The following CADM2 variants were observed in gnomAD, a reference collection of about 807,000 sequenced individuals.
The protein encoded by CADM2 is cell adhesion molecule 2, also known as immunoglobulin superfamily member 4D.
A neutral mutation model predicts 49.8 loss-of-function variants in CADM2; 12 were observed. The ratio of observed to expected loss-of-function variants is 0.24; its 90% confidence interval spans 0.15 to 0.39. CADM2 has a LOEUF of 0.39. Ranked by LOEUF, CADM2 falls within the 10% of genes least tolerant of loss-of-function variation. The probability of loss-of-function intolerance (pLI) is 1.00; values close to 1 mark genes in which losing one functional copy is unlikely to be tolerated. For synonymous variants in CADM2, 214 were observed against 175.4 expected, an observed-to-expected ratio of 1.22 and a Z score of -1.74; for missense variants, 378 against 492.3, an observed-to-expected ratio of 0.77 and a Z score of 2.20.
At chr3:85,355,448 C>A (rs1277034421) in intron 1 of CADM2, among the ~76,000 whole-genome samples, 1 of 151,974 alleles carries the variant, frequency 6.6e-6, no homozygotes, top group African/African-American at 2.4e-5. Context: ...TTTCTCACTT[C>A]GTATGTAGAT....
At chr3:85,586,016 T>C (rs1462897559) in intron 1 of CADM2, among the ~76,000 whole-genome samples, 1 of 152,088 alleles carries the variant, frequency 6.6e-6, no homozygotes, top group Non-Finnish European at 1.5e-5. Flanking sequence ...ATCTCAGCTG[T>C]ACTTCTAGGG....
intron 1 of CADM2, among the ~76,000 whole-genome samples, chr3:85,034,723 G>A (rs2035134130): frequency 6.7e-6 from 1 of 149,214 alleles, no homozygotes; most frequent in African/African-American, 2.5e-5. Context: ...AGTATACAAG[G>A]ATTTCCCTTT....
chr3:85,786,421 A>G (rs925212292), intron 2 of CADM2, among the ~76,000 whole-genome samples: 1 of 152,074 alleles, frequency 6.6e-6, no homozygotes, highest in Non-Finnish European at 1.5e-5. Context: ...ATGTTCCCCT[A>G]GATCTAATGT....
At chr3:85,529,807 T>C (rs1238871070) in intron 1 of CADM2, among the ~76,000 whole-genome samples, 1 of 152,110 alleles carries the variant, frequency 6.6e-6, no homozygotes, top group East Asian at 1.9e-4. Flanking sequence ...TTCACTCTTC[T>C]GGTTAATTCA....
chr3:85,182,081 C>G (rs1372579195), intron 1 of CADM2, among the ~76,000 whole-genome samples: 1 of 151,698 alleles, frequency 6.6e-6, no homozygotes, highest in Admixed American at 6.6e-5. Flanking sequence ...ATTGCATCTT[C>G]TAAATTGAAT....
intron 1 of CADM2, among the ~76,000 whole-genome samples, chr3:85,230,212 A>C (rs1478918479): frequency 2.2e-5 from 3 of 134,242 alleles, no homozygotes; most frequent in Non-Finnish European, 4.4e-5. Context: ...ATATGGTGGT[A>C]GACTTCAGAT....
intron 1 of CADM2, among the ~76,000 whole-genome samples, chr3:84,969,676 T>A (rs564409966): frequency 1.3e-5 from 2 of 151,904 alleles, no homozygotes; most frequent in Non-Finnish European, 2.9e-5. Context: ...TGACTTTTCA[T>A]TTATATGTAA....
At chr3:85,596,776 G>A (rs186640809) in intron 1 of CADM2, among the ~76,000 whole-genome samples, 2 of 152,170 alleles carry the variant, frequency 1.3e-5, no homozygotes, top group East Asian at 1.9e-4. Flanking sequence ...GAGTGCAGTG[G>A]CCCGATCTTA....
chr3:85,952,784 T>G (rs1224493404), intron 7 of CADM2, among the ~76,000 whole-genome samples: 2 of 150,850 alleles, frequency 1.3e-5, no homozygotes, highest in South Asian at 2.1e-4. Flanking sequence ...ATTATTTCTC[T>G]CCCTTATGTA....
chr3:85,671,840 A>G (rs1276769838), intron 1 of CADM2, among the ~76,000 whole-genome samples: 1 of 152,182 alleles, frequency 6.6e-6, no homozygotes, highest in Non-Finnish European at 1.5e-5. Context: ...ATCACTCAGT[A>G]TTCTCTGTCC....
chr3:86,020,669 A>G (rs1240794114), intron 8 of CADM2, among the ~76,000 whole-genome samples: 2 of 152,140 alleles, frequency 1.3e-5, no homozygotes, highest in Non-Finnish European at 1.5e-5. Flanking sequence ...CCTGGGATGC[A>G]AGGCTGGTTC....
intron 1 of CADM2, among the ~76,000 whole-genome samples, chr3:84,959,878 G>A (rs2030289162): frequency 6.6e-6 from 1 of 152,032 alleles, no homozygotes; most frequent in South Asian, 2.1e-4. Context: ...CTTCCCAGCA[G>A]TCAGCCCCTT....
At chr3:84,980,924 A>T (rs2032136482) in intron 1 of CADM2, among the ~76,000 whole-genome samples, 1 of 152,166 alleles carries the variant, frequency 6.6e-6, no homozygotes, top group African/African-American at 2.4e-5. Flanking sequence ...AGAATCTTGG[A>T]TGCACCACAC....
In CADM2 at chr3:85,568,514, T is replaced by TCCTC. The variant is rs1553743641; in HGVS notation, c.62-157995_62-157992dup. The stretch of plus-strand genomic sequence containing the variant: ...TTCTTTCTTTCTTTCTTTCTTTCTT[T>TCCTC]CCTCCCTCCCTCCCTCTCTCTTTTC... On this transcript the variant is annotated intron_variant, in intron 1 of 9. Transcript: ENST00000383699. Among the ~76,000 whole-genome samples, 38 of 129,506 alleles carry TCCTC rather than the reference T, an allele frequency of 2.9e-4. 3 individuals carry two copies. The highest frequency in any genetic ancestry group is 1.4e-3 in the African/African-American group (35 of 25,500). The allele number at this position is 129,506 out of a possible 152,430, so 85.0% of individuals were successfully genotyped here. A position where few individuals can be genotyped will look rare whatever the true frequency, so the allele number is the denominator to read the frequency against.
intron 1 of CADM2, among the ~76,000 whole-genome samples, chr3:85,476,501 C>T (rs1022473341): frequency 2.0e-5 from 3 of 151,728 alleles, no homozygotes; most frequent in African/African-American, 4.8e-5. Context: ...AAGATGAATA[C>T]ATTCAGCCTC....
chr3:85,075,492 T>C (rs992155161), intron 1 of CADM2, among the ~76,000 whole-genome samples: 3 of 152,148 alleles, frequency 2.0e-5, no homozygotes, highest in Admixed American at 2.0e-4. Flanking sequence ...ATTCCAGAGA[T>C]AGAAAAGATT....
intron 1 of CADM2, among the ~76,000 whole-genome samples, chr3:85,615,225 A>AG (rs1491508261): frequency 2.0e-5 from 3 of 151,886 alleles, no homozygotes; most frequent in African/African-American, 7.2e-5. Context: ...AGAGAGAGAG[A>AG]AAGAGAGAAA....
intron 2 of CADM2, among the ~76,000 whole-genome samples, chr3:85,777,776 G>A (rs572441751): frequency 2.6e-5 from 4 of 152,202 alleles, no homozygotes; most frequent in Admixed American, 2.0e-4. Context: ...TAACATGTAG[G>A]CAAACCAATT....
intron 1 of CADM2, among the ~76,000 whole-genome samples, chr3:85,051,834 G>C (rs2035893865): frequency 6.6e-6 from 1 of 152,030 alleles, no homozygotes; most frequent in African/African-American, 2.4e-5. Flanking sequence ...TTGGGCCTGG[G>C]GGGAAGTAAA....
Sources: gnomAD v4.1 joint callset for allele counts (sites outside exome capture counted in the v4.1 genomes callset) on GRCh38, gnomAD v4.1.1 for gene constraint, MANE v1.5 for transcripts, NCBI Gene and HGNC (gene_info 2026-07-23, HGNC 2026-07-21) for gene names.